Variants in ASF1A observed in about 807,000 individuals in gnomAD.
The protein encoded by ASF1A is anti-silencing function 1A histone chaperone.
ASF1A carries 5 observed loss-of-function variants against 22.0 expected under a neutral mutation model. That is an observed-to-expected ratio of 0.23 (90% CI 0.12 to 0.48). The LOEUF is 0.48. ASF1A is among the 20% of genes least tolerant of loss of function. The pLI, the probability that ASF1A is intolerant of heterozygous loss-of-function variation, is 0.99. For synonymous variants in ASF1A, 97 were observed against 86.7 expected (o/e 1.12, Z -0.66); for missense variants, 137 against 240.6 (o/e 0.57, Z 2.85).
At chr6:118,904,361 C>T (rs574896839) in intron 2 of ASF1A, among the ~76,000 whole-genome samples, 1 of 152,312 alleles carries the variant, frequency 6.6e-6, no homozygotes, top group South Asian at 2.1e-4. Flanking sequence ...CAACAGTCTT[C>T]AATTTTCACA....
intron 1 of ASF1A, 114 bp downstream of exon 1, chr6:118,894,636 T>C (rs1040299683): frequency 1.2e-5 from 11 of 942,354 alleles, no homozygotes; most frequent in African/African-American, 3.4e-5. Flanking sequence ...GGCCGCGGGC[T>C]GCTCTGCGGA....
rs866326585 is a variant in ASF1A, at chr6:118,899,522, G to C, written c.110-1244G>C. On this transcript the variant is annotated intron_variant, in intron 1 of 3. Coordinates refer to ENST00000229595, the MANE Select transcript of ASF1A (RefSeq NM_014034.3). ...TATCTCCATCAACAGATGATCTCAG[G>C]AGATGTCAGATGCAGCACCCTGCAT... 2.6e-5 allele frequency among the ~76,000 whole-genome samples: 4 copies of C among 152,280 alleles called. No individual in the cohort carries two copies. The Middle Eastern group carries it at 0.01, about 388-fold the overall frequency.
intron 2 of ASF1A, 131 bp downstream of exon 2, chr6:118,901,012 G>A: frequency 3.1e-6 from 2 of 652,748 alleles, no homozygotes; most frequent in South Asian, 2.0e-5. Context: ...CTTTAAATCT[G>A]TTTCCATCAT....
At chr6:118,902,967 G>A (rs1779906475) in intron 2 of ASF1A, among the ~76,000 whole-genome samples, 1 of 152,200 alleles carries the variant, frequency 6.6e-6, no homozygotes, top group Non-Finnish European at 1.5e-5. Flanking sequence ...TTGCCAGCTA[G>A]AGTCAAAACA....
At chr6:118,897,746 C>G (rs140493293) in intron 1 of ASF1A, among the ~76,000 whole-genome samples, 46 of 151,902 alleles carry the variant, frequency 3.0e-4, no homozygotes, top group Non-Finnish European at 5.6e-4. Flanking sequence ...ATTTCTTCAC[C>G]TGAGAACTTA....
chr6:118,900,722 G>A (rs1229213169), intron 1 of ASF1A, 44 bp from the exon 2 acceptor site: 3 of 1,342,756 alleles, frequency 2.2e-6, no homozygotes, highest in Middle Eastern at 1.8e-4. Flanking sequence ...ATCTGGTAAT[G>A]TAATTACTGA....
At chr6:118,898,365 A>G (rs1175870831) in intron 1 of ASF1A, among the ~76,000 whole-genome samples, 15 of 152,128 alleles carry the variant, frequency 9.9e-5, no homozygotes, top group Admixed American at 9.8e-4. Flanking sequence ...GATCAAGGGC[A>G]TTATATGTAG....
intron 1 of ASF1A, among the ~76,000 whole-genome samples, chr6:118,894,900 T>C (rs1779255987): frequency 2.0e-5 from 3 of 151,972 alleles, no homozygotes. Flanking sequence ...GCACGGAGGC[T>C]GGGAAGGGAG....
intron 2 of ASF1A, among the ~76,000 whole-genome samples, chr6:118,902,730 G>A (rs1273754163): frequency 6.6e-6 from 1 of 152,090 alleles, no homozygotes; most frequent in African/African-American, 2.4e-5. Flanking sequence ...CAGTGTACAT[G>A]TTGCCAAAAA....
chr6:118,907,770 G>A lies in ASF1A; in HGVS notation c.*156G>A, dbSNP rs116091423. The A allele has an allele frequency of 1.9e-3, 1,127 of 585,190 alleles. 10 individuals carry two copies. Among genetic ancestry groups the A allele is most frequent in the African/African-American group, 0.018 (981 of 53,794 alleles). The allele number at this position is 585,190 out of a possible 1,614,324, so 36.2% of individuals were successfully genotyped here. ...AAGAAAACCAGTATTTGAACAAATT[G>A]TGGAATATAAATACAACTATTTTTA... is the stretch of plus-strand genomic sequence containing the variant. On this transcript the variant is annotated 3_prime_UTR_variant, in exon 4 of 4. Transcript: ENST00000229595.
At position 118,903,151 on chromosome 6, in the gene ASF1A, G is replaced by A. The variant is rs532473006; in HGVS notation, c.225+2270G>A. Among the ~76,000 whole-genome samples the A allele has an allele frequency of 2.0e-4, 30 of 152,164 alleles. No individual in the cohort carries two copies. In the Middle Eastern group the frequency reaches 0.02, roughly 104 times the overall value. Reference sequence around the variant, plus strand: ...CATGCCTAGAACCAATTTACTGAAGGGAACCAATTTACTGAAGGGAAGGGG... The same window carrying A: ...CATGCCTAGAACCAATTTACTGAAGAGAACCAATTTACTGAAGGGAAGGGG... On this transcript the variant is annotated intron_variant, in intron 2 of 3. Coordinates refer to ENST00000229595, the MANE Select transcript of ASF1A (RefSeq NM_014034.3).
intron 2 of ASF1A, among the ~76,000 whole-genome samples, chr6:118,902,041 A>G (rs1271373440): frequency 1.3e-5 from 2 of 152,236 alleles, no homozygotes; most frequent in African/African-American, 2.4e-5. Context: ...AAAGCAACAA[A>G]TAATTTACTG....
intron 2 of ASF1A, among the ~76,000 whole-genome samples, chr6:118,902,775 G>A (rs1281801939): frequency 1.3e-5 from 2 of 152,124 alleles, no homozygotes; most frequent in Non-Finnish European, 2.9e-5. Flanking sequence ...TCAGCCTAAA[G>A]GTTTTACAGA....
At position 118,907,548 on chromosome 6, in the gene ASF1A, A is replaced by T. The variant is rs576955613; in HGVS notation, c.549A>T (p.Ser183=). The T allele has an allele frequency of 1.9e-6, 3 of 1,613,768 alleles. No individual in the cohort carries two copies. The South Asian group carries it at 3.3e-5, about 18-fold the overall frequency. Residue 183 remains serine (S), a synonymous_variant, in exon 4 of 4, where the codon TCA becomes TCT. Coordinates refer to ENST00000229595, the MANE Select transcript of ASF1A (RefSeq NM_014034.3). ...CAACAGATGCATTACCTTCAGCATC[A>T]AAGGGATGGTCCACATCAGAAAACT... ...LLSTDALPSA[S]KGWSTSENSL... is the part of the protein sequence containing the mutation.
At chr6:118,907,357 A>T in intron 3 of ASF1A, 45 bp from the exon 4 acceptor site, 1 of 1,362,070 alleles carries the variant, frequency 7.3e-7, no homozygotes, top group Non-Finnish European at 1.0e-6. Flanking sequence ...ATGGTGATTT[A>T]ACTTTCTTAG....
At chr6:118,905,565 T>G in intron 2 of ASF1A, 87 bp from the exon 3 acceptor site, 1 of 1,030,270 alleles carries the variant, frequency 9.7e-7, no homozygotes, top group Non-Finnish European at 1.4e-6. Context: ...CCTCAACTGA[T>G]GGTTCTAGGT....
intron 2 of ASF1A, among the ~76,000 whole-genome samples, chr6:118,901,463 T>C (rs1779794089): frequency 1.3e-5 from 2 of 152,194 alleles, no homozygotes; most frequent in Admixed American, 6.5e-5. Context: ...CATTATCTTA[T>C]AAGAGGACTA....
chr6:118,904,105 A>G (rs1462107889), intron 2 of ASF1A, among the ~76,000 whole-genome samples: 1 of 152,160 alleles, frequency 6.6e-6, no homozygotes, highest in Non-Finnish European at 1.5e-5. Flanking sequence ...GAGAAAGAAC[A>G]TATCTGTGTT....
At chr6:118,903,656 A>G (rs1052267006) in intron 2 of ASF1A, among the ~76,000 whole-genome samples, 1 of 152,244 alleles carries the variant, frequency 6.6e-6, no homozygotes, top group African/African-American at 2.4e-5. Flanking sequence ...GTAAGCTCCA[A>G]AAAAGATTAA....
Sources: allele counts gnomAD v4.1 joint callset (sites outside exome capture counted in the v4.1 genomes callset), GRCh38; gene constraint gnomAD v4.1.1; transcripts MANE v1.5; gene names NCBI Gene and HGNC (gene_info 2026-07-23, HGNC 2026-07-21).